Variants in TRIM37 observed in about 807,000 individuals in gnomAD.
TRIM37 encodes E3 ubiquitin-protein ligase TRIM37.
Under a neutral mutation model 129.8 loss-of-function variants are expected in TRIM37, and 80 were observed. The observed-to-expected ratio is 0.62, with a 90% CI of 0.51 to 0.74. The LOEUF is 0.74. Ranked by LOEUF, TRIM37 falls within the 30% of genes least tolerant of loss-of-function variation. TRIM37 has a pLI of 0.00. For synonymous variants in TRIM37, 389 were observed against 387.1 expected, an observed-to-expected ratio of 1.00 and a Z score of -0.06; for missense variants, 1,054 against 1,176.5, an observed-to-expected ratio of 0.90 and a Z score of 1.52.
chr17:59,092,193 G>A (rs1178806741), intron 2 of TRIM37, among the ~76,000 whole-genome samples: 3 of 152,088 alleles, frequency 2.0e-5, no homozygotes, highest in South Asian at 2.1e-4. Flanking sequence ...AGCTGATGGA[G>A]ACCAGCCTGG....
chr17:59,096,781 T>C (rs1399516602), intron 2 of TRIM37, among the ~76,000 whole-genome samples: 4 of 152,278 alleles, frequency 2.6e-5, no homozygotes, highest in African/African-American at 9.6e-5. Flanking sequence ...ACATGTACTG[T>C]GCATCCTCAT....
At chr17:59,077,206 C>T (rs1432826793) in intron 7 of TRIM37, among the ~76,000 whole-genome samples, 1 of 151,842 alleles carries the variant, frequency 6.6e-6, no homozygotes, top group African/African-American at 2.4e-5. Flanking sequence ...GCGATCCTCC[C>T]ACCTCAGCCT....
intron 22 of TRIM37, among the ~76,000 whole-genome samples, chr17:59,007,885 AAGAG>A (rs922097018): frequency 1.3e-5 from 2 of 152,244 alleles, no homozygotes; most frequent in African/African-American, 2.4e-5. Context: ...CTCTTTGAGA[AAGAG>A]AGAGAACCCC....
At chr17:59,006,346 A>G (rs2034480842) in intron 22 of TRIM37, among the ~76,000 whole-genome samples, 1 of 152,166 alleles carries the variant, frequency 6.6e-6, no homozygotes, top group African/African-American at 2.4e-5. Context: ...CATCTACCAT[A>G]TTTTTTGAGC....
intron 24 of TRIM37, among the ~76,000 whole-genome samples, chr17:58,986,603 C>T (rs1311930722): frequency 6.7e-6 from 1 of 150,110 alleles, no homozygotes; most frequent in African/African-American, 2.5e-5. Flanking sequence ...ACCTCTGCCT[C>T]CCAGGTTCAA....
At chr17:58,975,150 G>A in the TRIM37 span, among the ~76,000 whole-genome samples, 3 of 152,150 alleles carry the variant, frequency 2.0e-5, no homozygotes, top group African/African-American at 7.2e-5. Flanking sequence ...ACCAATTTAC[G>A]TTAATGATCA....
chr17:59,019,837 G>C (rs1387835235), intron 19 of TRIM37, among the ~76,000 whole-genome samples: 2 of 152,160 alleles, frequency 1.3e-5, no homozygotes, highest in Non-Finnish European at 2.9e-5. Flanking sequence ...GAGGGTTAAT[G>C]AAAATGTTCT....
At chr17:59,053,802 C>G (rs2040576754) in intron 13 of TRIM37, among the ~76,000 whole-genome samples, 1 of 151,982 alleles carries the variant, frequency 6.6e-6, no homozygotes, top group South Asian at 2.1e-4. Context: ...TAATCCCTCC[C>G]CTCAAAAAAC....
At chr17:59,105,879 T>C (rs747340825) in intron 1 of TRIM37, among the ~76,000 whole-genome samples, 21 of 147,282 alleles carry the variant, frequency 1.4e-4, no homozygotes, top group Non-Finnish European at 3.2e-4. Context: ...TTAAAATATA[T>C]TCCTAGCCTT....
intron 14 of TRIM37, among the ~76,000 whole-genome samples, chr17:59,050,657 G>A (rs546816716): frequency 6.6e-6 from 1 of 151,618 alleles, no homozygotes; most frequent in African/African-American, 2.4e-5. Flanking sequence ...ACAAGAGTGA[G>A]TCCGACCTGT....
intron 14 of TRIM37, 101 bp downstream of exon 14, chr17:59,051,113 C>T: frequency 1.2e-6 from 1 of 817,240 alleles, no homozygotes; most frequent in Non-Finnish European, 2.0e-6. Flanking sequence ...TTACAAATTA[C>T]AAAATTACAA....
At chr17:59,079,204 T>C (rs1002590077) in intron 7 of TRIM37, among the ~76,000 whole-genome samples, 1 of 152,152 alleles carries the variant, frequency 6.6e-6, no homozygotes, top group African/African-American at 2.4e-5. Context: ...AACCATAGCA[T>C]TGGATTAAAT....
At chr17:58,967,768 G>A in the TRIM37 span, among the ~76,000 whole-genome samples, 1 of 151,094 alleles carries the variant, frequency 6.6e-6, no homozygotes, top group Non-Finnish European at 1.5e-5. Flanking sequence ...TGCTTTAGTA[G>A]GGATAGAAAT....
At chr17:59,023,376 C>CT (rs1245227479) in intron 19 of TRIM37, among the ~76,000 whole-genome samples, 4 of 152,078 alleles carry the variant, frequency 2.6e-5, no homozygotes, top group South Asian at 2.1e-4. Context: ...TTGCACACAG[C>CT]TTTTTTAACT....
At chr17:59,048,910 A>T (rs1022466683) in intron 15 of TRIM37, among the ~76,000 whole-genome samples, 1 of 152,148 alleles carries the variant, frequency 6.6e-6, no homozygotes, top group Non-Finnish European at 1.5e-5. Context: ...ACACATTTTT[A>T]AAATCCACAA....
At chr17:59,106,352 T>G in intron 1 of TRIM37, 89 bp downstream of exon 1, 1 of 1,538,458 alleles carries the variant, frequency 6.5e-7, no homozygotes. Context: ...GGTGCCCTAC[T>G]GGAGGGAGGA....
chr17:59,056,678 C>T (rs188907178), intron 13 of TRIM37, among the ~76,000 whole-genome samples, 197 bp downstream of exon 13: 18 of 116,936 alleles, frequency 1.5e-4, no homozygotes, highest in Middle Eastern at 7.7e-3. Flanking sequence ...TGTAGTGAGC[C>T]GAGATCGCGC....
At chr17:58,981,279 C>A (rs1337626760), downstream of TRIM37, 2 of 416,950 alleles carry the variant, frequency 4.8e-6, no homozygotes, top group Non-Finnish European at 8.5e-6. Context: ...CAATACACAA[C>A]CCCCTTCCCA....
chr17:59,106,035 T>G (rs1257993911), intron 1 of TRIM37, among the ~76,000 whole-genome samples: 1 of 152,212 alleles, frequency 6.6e-6, no homozygotes, highest in East Asian at 1.9e-4. Flanking sequence ...CTGCAAAATG[T>G]GCCACTGAGA....
Sources: gnomAD v4.1 joint callset for allele counts (sites outside exome capture counted in the v4.1 genomes callset) on GRCh38, gnomAD v4.1.1 for gene constraint, MANE v1.5 for transcripts, NCBI Gene and HGNC (gene_info 2026-07-23, HGNC 2026-07-21) for gene names.